Variants in LRP1B observed in about 807,000 individuals in gnomAD.
The protein encoded by LRP1B is low-density lipoprotein receptor-related protein 1B.
Under a neutral mutation model 556.6 loss-of-function variants are expected in LRP1B, and 217 were observed. That is an observed-to-expected ratio of 0.39 (90% confidence interval 0.35 to 0.44). The LOEUF (loss-of-function observed/expected upper bound fraction) is 0.44. LRP1B is among the 20% of genes least tolerant of loss of function. LRP1B has a pLI of 1.00. For missense variants in LRP1B, 5,053 were observed against 5,620.8 expected (o/e 0.90, Z 3.23); for synonymous variants, 2,047 against 1,865.8 (o/e 1.10, Z -2.50).
intron 59 of LRP1B, among the ~76,000 whole-genome samples, chr2:140,477,173 AAGAT>A (rs1404727279): frequency 6.6e-6 from 1 of 152,032 alleles, no homozygotes; most frequent in Non-Finnish European, 1.5e-5. Flanking sequence ...TAAAAATAAA[AAGAT>A]AGTTTACCTT....
rs1404603457 is a variant in LRP1B at position 141,577,421 on chromosome 2, A to G, written c.206-96888T>C. 2.0e-5 allele frequency among the ~76,000 whole-genome samples: 3 copies of G among 152,222 alleles called. No homozygotes were observed. In the East Asian group the frequency reaches 5.8e-4, roughly 29 times the overall value. ...CAGTTCCTGGAATACGGTCAGTTTTAAATAAATATCTCATAAATTAATAGA... is the reference window on the plus strand; with the variant it reads ...CAGTTCCTGGAATACGGTCAGTTTTGAATAAATATCTCATAAATTAATAGA... On this transcript the variant is annotated intron_variant, in intron 2 of 90. Transcript: ENST00000389484.
intron 41 of LRP1B, among the ~76,000 whole-genome samples, chr2:140,667,141 G>C (rs1327455316): frequency 1.3e-5 from 2 of 152,146 alleles, no homozygotes; most frequent in Non-Finnish European, 2.9e-5. Context: ...TGCTTGATGA[G>C]AGAAAGAACA....
chr2:141,042,704 G>A (rs1698738214), intron 11 of LRP1B, among the ~76,000 whole-genome samples: 1 of 152,038 alleles, frequency 6.6e-6, no homozygotes, highest in Admixed American at 6.6e-5. Context: ...ATGGGACAAT[G>A]AACATAACGT....
intron 79 of LRP1B, 141 bp downstream of exon 79, chr2:140,334,312 A>C: frequency 1.7e-6 from 1 of 595,240 alleles, no homozygotes; most frequent in South Asian, 2.0e-5. Context: ...AATGAAATGT[A>C]AATAACTTCA....
chr2:140,515,124 A>G (rs1689837259), intron 50 of LRP1B, among the ~76,000 whole-genome samples: 1 of 152,062 alleles, frequency 6.6e-6, no homozygotes, highest in Non-Finnish European at 1.5e-5. Flanking sequence ...GTCTAGTCAT[A>G]CTTTTTAACT....
chr2:140,487,257 G>A (rs1027960859), intron 58 of LRP1B, among the ~76,000 whole-genome samples: 16 of 151,684 alleles, frequency 1.1e-4, no homozygotes, highest in African/African-American at 3.6e-4. Context: ...TAACTTTTTC[G>A]ATTACAAAGT....
intron 8 of LRP1B, among the ~76,000 whole-genome samples, chr2:141,059,832 A>G (rs1418661513): frequency 6.6e-6 from 1 of 151,786 alleles, no homozygotes; most frequent in African/African-American, 2.4e-5. Flanking sequence ...AGAAGAATAC[A>G]TGTGCTGATT....
At chr2:141,771,323 C>A (rs1302261952) in intron 2 of LRP1B, among the ~76,000 whole-genome samples, 3 of 152,078 alleles carry the variant, frequency 2.0e-5, no homozygotes, top group Non-Finnish European at 4.4e-5. Context: ...AGTGTCAGGG[C>A]TTGACTGGAA....
chr2:141,229,427 T>C lies in LRP1B; in HGVS notation c.606A>G (p.Arg202=), dbSNP rs1407748451. 1 of 1,574,604 alleles carries C rather than the reference T, an allele frequency of 6.4e-7. No individual in the cohort carries two copies. The highest frequency in any genetic ancestry group is 1.7e-5 in the Admixed American group (1 of 58,734). Residue 202 remains arginine, a synonymous_variant, in exon 6 of 91, where the codon AGA becomes AGG. Coordinates refer to ENST00000389484, the MANE Select transcript of LRP1B (RefSeq NM_018557.3). ...SCKAKIEPTD[R]PPILLIANFE... ...AATTTGCAATTAATAGTATAGGTGG[T>C]CTATCTGTAGGTTCTGGAATAAAAT... is the stretch of plus-strand genomic sequence containing the variant.
At chr2:140,441,582 A>G (rs1452910231) in intron 66 of LRP1B, among the ~76,000 whole-genome samples, 3 of 152,194 alleles carry the variant, frequency 2.0e-5, no homozygotes, top group Admixed American at 6.6e-5. Flanking sequence ...TGTTCAATAT[A>G]AATGAAATTT....
intron 67 of LRP1B, among the ~76,000 whole-genome samples, chr2:140,379,825 A>G (rs998285489): frequency 2.6e-5 from 4 of 152,202 alleles, no homozygotes; most frequent in Non-Finnish European, 5.9e-5. Flanking sequence ...CCTTCACGGT[A>G]TAAGACAAGG....
At chr2:140,700,096 G>C (rs1288035174) in intron 41 of LRP1B, among the ~76,000 whole-genome samples, 154 bp downstream of exon 41, 3 of 149,328 alleles carry the variant, frequency 2.0e-5, no homozygotes, top group African/African-American at 7.4e-5. Flanking sequence ...TTGGCGGGGG[G>C]GTGGGGGGTG....
intron 3 of LRP1B, among the ~76,000 whole-genome samples, chr2:141,276,204 T>C (rs2105377378): frequency 6.6e-6 from 1 of 152,380 alleles, no homozygotes; most frequent in African/African-American, 2.4e-5. Context: ...TCAACCTGTT[T>C]GTGGTTTCAC....
chr2:140,769,800 G>A (rs1027565823), intron 34 of LRP1B, among the ~76,000 whole-genome samples: 1 of 145,974 alleles, frequency 6.9e-6, no homozygotes, highest in Non-Finnish European at 1.5e-5. Context: ...TAAGATAACT[G>A]TATCACTGAT....
intron 20 of LRP1B, among the ~76,000 whole-genome samples, chr2:140,936,028 T>C (rs546335857): frequency 6.6e-6 from 1 of 150,894 alleles, no homozygotes; most frequent in African/African-American, 2.4e-5. Flanking sequence ...TGTGTGTAAA[T>C]TCAAAGTGTC....
At chr2:141,289,032 C>T (rs1341239902) in intron 3 of LRP1B, among the ~76,000 whole-genome samples, 1 of 152,056 alleles carries the variant, frequency 6.6e-6, no homozygotes, top group Non-Finnish European at 1.5e-5. Context: ...ATGGTTTTTA[C>T]AATAACACGC....
At chr2:141,254,483 C>G (rs750981246) in intron 4 of LRP1B, 39 bp downstream of exon 4, 1 of 1,606,604 alleles carries the variant, frequency 6.2e-7, no homozygotes, top group Non-Finnish European at 8.5e-7. Context: ...AACTAAGCCT[C>G]TATAAACAAA....
chr2:140,764,635 T>C (rs1689039348), intron 35 of LRP1B, among the ~76,000 whole-genome samples: 1 of 152,174 alleles, frequency 6.6e-6, no homozygotes, highest in African/African-American at 2.4e-5. Context: ...AAATATGTTT[T>C]AATTTTTAGA....
rs112457869 is a variant in LRP1B, at chr2:140,407,929, A to T, written c.10415-21920T>A. ...CACTGCAAAAATATGGAACCAATCT[A>T]TGTGTCCATCAATCAATGAGTGGAT... is the stretch of plus-strand genomic sequence containing the variant. On this transcript the variant is annotated intron_variant, in intron 66 of 90. Transcript: ENST00000389484. 1.1e-3 allele frequency among the ~76,000 whole-genome samples: 160 copies of T among 152,122 alleles called. 3 individuals carry two copies. The highest frequency in any genetic ancestry group is 3.5e-3 in the African/African-American group (147 of 41,528).
Sources: gnomAD v4.1 joint callset for allele counts (sites outside exome capture counted in the v4.1 genomes callset) on GRCh38, gnomAD v4.1.1 for gene constraint, MANE v1.5 for transcripts, NCBI Gene and HGNC (gene_info 2026-07-23, HGNC 2026-07-21) for gene names.